AGMO: variants seen among roughly 807,000 people sequenced by gnomAD.
The protein encoded by AGMO is glyceryl-ether monooxygenase.
AGMO carries 75 observed loss-of-function variants against 60.2 expected under a neutral mutation model. The ratio of observed to expected loss-of-function variants is 1.25; its 90% CI spans 1.03 to 1.51. The LOEUF is 1.51. Ranked by LOEUF, AGMO falls within the 40% of genes most tolerant of loss-of-function variation. AGMO has a pLI of 0.00. For missense variants in AGMO, 763 were observed against 525.5 expected, an observed-to-expected ratio of 1.45 and a Z score of -4.42; for synonymous variants, 261 against 177.1, an observed-to-expected ratio of 1.47 and a Z score of -3.76.
chr7:15,141,546 A>C, the AGMO span, among the ~76,000 whole-genome samples: 1 of 152,196 alleles, frequency 6.6e-6, no homozygotes, highest in Non-Finnish European at 1.5e-5. Flanking sequence ...TGATCGTGCC[A>C]CTGTCCTCCA....
At chr7:15,240,837 T>C (rs1002830105) in intron 12 of AGMO, among the ~76,000 whole-genome samples, 1 of 152,028 alleles carries the variant, frequency 6.6e-6, no homozygotes, top group Non-Finnish European at 1.5e-5. Context: ...AATTTTATTA[T>C]TTAATTCTTA....
Position 15,460,786 on chromosome 7 carries a change from T to G in AGMO, c.410-29678A>C, listed in dbSNP as rs535638048. Among the ~76,000 whole-genome samples, 18 of 152,226 alleles carry G rather than the reference T, an allele frequency of 1.2e-4. No homozygotes were observed. In the South Asian group the frequency reaches 3.5e-3, roughly 30 times the overall value. On this transcript the variant is annotated intron_variant, in intron 3 of 12. Transcript: ENST00000342526. Reference sequence around the variant, plus strand: ...AAGGTTGGAAGAAAAATAAAATGTATGAAGTACTCCAGATAAAATATGAGA... The same window carrying G: ...AAGGTTGGAAGAAAAATAAAATGTAGGAAGTACTCCAGATAAAATATGAGA...
the AGMO span, among the ~76,000 whole-genome samples, chr7:15,172,021 A>G: frequency 1.3e-5 from 2 of 152,184 alleles, no homozygotes; most frequent in African/African-American, 2.4e-5. Context: ...CCACAACTCA[A>G]TGAGACAGTG....
chr7:15,199,847 TAG>T (rs1361847986), downstream of AGMO, among the ~76,000 whole-genome samples: 1 of 152,212 alleles, frequency 6.6e-6, no homozygotes, highest in Non-Finnish European at 1.5e-5. Context: ...ATACTTGAGA[TAG>T]AATGTGTTGC....
intron 3 of AGMO, 55 bp from the exon 4 acceptor site, chr7:15,431,163 AT>A: frequency 8.1e-7 from 1 of 1,228,024 alleles, no homozygotes; most frequent in Non-Finnish European, 1.2e-6. Context: ...AGCAACTTCC[AT>A]TTTCAGTTAT....
At chr7:15,198,140 G>C (rs1410573261), downstream of AGMO, among the ~76,000 whole-genome samples, 1 of 150,254 alleles carries the variant, frequency 6.7e-6, no homozygotes, top group Non-Finnish European at 1.5e-5. Flanking sequence ...AAGTCAGTTT[G>C]CATCTCTCCG....
At chr7:15,556,674 T>C (rs1465276654) in intron 2 of AGMO, among the ~76,000 whole-genome samples, 4 of 152,122 alleles carry the variant, frequency 2.6e-5, no homozygotes, top group Non-Finnish European at 4.4e-5. Flanking sequence ...CATTAACATT[T>C]AAGTCAGTAG....
chr7:15,380,816 A>G (rs948689521), intron 10 of AGMO, among the ~76,000 whole-genome samples: 6 of 152,200 alleles, frequency 3.9e-5, no homozygotes, highest in Non-Finnish European at 7.3e-5. Flanking sequence ...GCAGCATGGT[A>G]CTGGCACAAA....
intron 12 of AGMO, among the ~76,000 whole-genome samples, chr7:15,281,024 C>G (rs1783950884): frequency 3.3e-5 from 5 of 152,158 alleles, no homozygotes; most frequent in Admixed American, 3.3e-4. Context: ...CTCAGAGGAG[C>G]AGCAGCATTT....
At chr7:15,326,098 T>C (rs1274759404) in intron 12 of AGMO, among the ~76,000 whole-genome samples, 1 of 152,132 alleles carries the variant, frequency 6.6e-6, no homozygotes, top group East Asian at 1.9e-4. Context: ...AACTGGGATA[T>C]TACTCTTAGA....
the AGMO span, among the ~76,000 whole-genome samples, chr7:15,176,038 G>A: frequency 6.6e-6 from 1 of 151,866 alleles, no homozygotes; most frequent in South Asian, 2.1e-4. Context: ...AATGTTGTTG[G>A]GAGCAATAGG....
chr7:15,317,017 CAT>C (rs1428909254), intron 12 of AGMO, among the ~76,000 whole-genome samples: 1 of 152,146 alleles, frequency 6.6e-6, no homozygotes, highest in Admixed American at 6.6e-5. Flanking sequence ...AGCATATCCA[CAT>C]GTGGCATTGT....
intron 12 of AGMO, among the ~76,000 whole-genome samples, chr7:15,352,617 C>G (rs1782290053): frequency 1.3e-5 from 2 of 151,924 alleles, no homozygotes; most frequent in Non-Finnish European, 1.5e-5. Context: ...CATCTGGAAC[C>G]AGACATTCTG....
At chr7:15,232,569 G>A (rs1782289999) in intron 12 of AGMO, among the ~76,000 whole-genome samples, 1 of 152,130 alleles carries the variant, frequency 6.6e-6, no homozygotes, top group African/African-American at 2.4e-5. Flanking sequence ...GAATGTCAAA[G>A]TACATTATGA....
In AGMO at chr7:15,561,998, C is replaced by T; in HGVS notation, c.-153G>A. On this transcript the variant is annotated 5_prime_UTR_variant, in exon 1 of 13. Transcript: ENST00000342526. ...GCTCCACTGAGAGCACACTCAACAG[C>T]CGATTCTGTGTAGAGAGACAGGAAA... The T allele has an allele frequency of 1.5e-6, 1 of 651,800 alleles. No individual in the cohort carries two copies. The highest frequency in any genetic ancestry group is 3.3e-5 in the Admixed American group (1 of 30,552). The allele number at this position is 651,800 out of a possible 1,614,324, so 40.4% of individuals were successfully genotyped here.
intron 12 of AGMO, among the ~76,000 whole-genome samples, chr7:15,340,086 G>A (rs572967566): frequency 2.0e-5 from 3 of 152,284 alleles, no homozygotes; most frequent in African/African-American, 7.2e-5. Flanking sequence ...TTTGGATTTG[G>A]AATATCTGCA....
chr7:15,339,830 A>AT (rs1263569778), intron 12 of AGMO, among the ~76,000 whole-genome samples: 1 of 152,174 alleles, frequency 6.6e-6, no homozygotes, highest in African/African-American at 2.4e-5. Flanking sequence ...TCTAAAAGCA[A>AT]TTTTTTAAAT....
intron 12 of AGMO, among the ~76,000 whole-genome samples, chr7:15,341,710 A>G (rs918315847): frequency 6.6e-6 from 1 of 152,106 alleles, no homozygotes; most frequent in Non-Finnish European, 1.5e-5. Flanking sequence ...TACCTGAGAG[A>G]GTGGGTAATT....
intron 12 of AGMO, among the ~76,000 whole-genome samples, chr7:15,296,154 A>G (rs998172348): frequency 1.3e-5 from 2 of 152,102 alleles, no homozygotes; most frequent in African/African-American, 4.8e-5. Context: ...GAATGGGACT[A>G]TACAATCACT....
Sources: gnomAD v4.1 joint callset for allele counts (sites outside exome capture counted in the v4.1 genomes callset) on GRCh38, gnomAD v4.1.1 for gene constraint, MANE v1.5 for transcripts, NCBI Gene and HGNC (gene_info 2026-07-23, HGNC 2026-07-21) for gene names.